Variants in WWTR1 observed in about 807,000 individuals in gnomAD.
WWTR1 encodes the protein WW domain-containing transcription regulator protein 1.
Under a neutral mutation model 40.1 loss-of-function variants are expected in WWTR1, and 13 were observed. The ratio of observed to expected loss-of-function variants is 0.32; its 90% confidence interval spans 0.21 to 0.52. The LOEUF (loss-of-function observed/expected upper bound fraction) is 0.52, where lower values mean the gene tolerates loss of function less well. Ranked by LOEUF, WWTR1 falls within the 20% of genes least tolerant of loss-of-function variation. WWTR1 has a pLI of 0.97. For synonymous variants in WWTR1, 230 were observed against 210.1 expected (o/e 1.09, Z -0.82); for missense variants, 436 against 523.1 (o/e 0.83, Z 1.63).
chr3:149,666,006 G>A (rs1472212700), intron 2 of WWTR1, among the ~76,000 whole-genome samples: 2 of 152,146 alleles, frequency 1.3e-5, no homozygotes, highest in Non-Finnish European at 2.9e-5. Context: ...TATCCATTGT[G>A]TTCAAGGGCA....
intron 3 of WWTR1, among the ~76,000 whole-genome samples, chr3:149,563,519 A>G (rs776770966): frequency 6.6e-6 from 1 of 152,184 alleles, no homozygotes; most frequent in Non-Finnish European, 1.5e-5. Context: ...CCGCTTCAGC[A>G]TTCACTTACC....
chr3:149,652,407 A>T (rs1026647785), intron 2 of WWTR1, among the ~76,000 whole-genome samples: 2 of 151,624 alleles, frequency 1.3e-5, no homozygotes, highest in Non-Finnish European at 2.9e-5. Context: ...GGATTGCTTG[A>T]GGCCAGGAGT....
In WWTR1 at chr3:149,633,748, G is replaced by T. The variant is rs559314021; in HGVS notation, c.431+23128C>A. 3.9e-5 allele frequency among the ~76,000 whole-genome samples: 6 copies of T among 152,244 alleles called. No individual in the cohort carries two copies. The South Asian group carries it at 1.2e-3, about 32-fold the overall frequency. On this transcript the variant is annotated intron_variant, in intron 2 of 6. Transcript: ENST00000360632. ...CCATGGCAGAATGAACTGATGGAGG[G>T]TCAGGGAAGAGGTGAGTGAGGGTGC...
At chr3:149,666,585 A>G (rs1000365423) in intron 2 of WWTR1, among the ~76,000 whole-genome samples, 3 of 152,204 alleles carry the variant, frequency 2.0e-5, no homozygotes, top group African/African-American at 7.2e-5. Flanking sequence ...TCATATTTAT[A>G]TAATATTTTA....
At chr3:149,550,208 A>C (rs1003981261) in intron 3 of WWTR1, among the ~76,000 whole-genome samples, 24 of 152,248 alleles carry the variant, frequency 1.6e-4, no homozygotes, top group African/African-American at 5.8e-4. Context: ...ACAAATGGAC[A>C]CAATCTTTAA....
chr3:149,676,763 G>C (rs936389748), intron 1 of WWTR1, among the ~76,000 whole-genome samples: 1 of 152,036 alleles, frequency 6.6e-6, no homozygotes, highest in Non-Finnish European at 1.5e-5. Flanking sequence ...AGACAATAAA[G>C]GGAGAGCAGG....
At chr3:149,687,807 C>T (rs1241366100) in intron 1 of WWTR1, among the ~76,000 whole-genome samples, 1 of 151,990 alleles carries the variant, frequency 6.6e-6, no homozygotes, top group Admixed American at 6.6e-5. Flanking sequence ...CCCTAAGGTC[C>T]CCAATTCCAG....
intron 4 of WWTR1, among the ~76,000 whole-genome samples, chr3:149,717,934 A>C (rs939376268): frequency 1.3e-4 from 20 of 152,138 alleles, no homozygotes; most frequent in African/African-American, 4.8e-4. Context: ...CATTAATAAA[A>C]CAGGTATTAT....
intron 5 of WWTR1, among the ~76,000 whole-genome samples, chr3:149,716,682 T>A (rs1264178323): frequency 1.3e-5 from 2 of 152,186 alleles, no homozygotes; most frequent in Non-Finnish European, 2.9e-5. Context: ...AAAAGTCATA[T>A]TTTATTTTTT....
At chr3:149,630,390 A>C (rs1388674859) in intron 2 of WWTR1, among the ~76,000 whole-genome samples, 1 of 152,218 alleles carries the variant, frequency 6.6e-6, no homozygotes, top group Non-Finnish European at 1.5e-5. Flanking sequence ...GGATAAAAGA[A>C]GAACAGCAAC....
At chr3:149,625,354 G>A (rs1282318996) in intron 2 of WWTR1, among the ~76,000 whole-genome samples, 1 of 151,642 alleles carries the variant, frequency 6.6e-6, no homozygotes, top group Admixed American at 6.6e-5. Context: ...TCCTGACCTC[G>A]TGATCCACCC....
intron 1 of WWTR1, among the ~76,000 whole-genome samples, chr3:149,688,231 G>T (rs1714714286): frequency 6.6e-6 from 1 of 152,062 alleles, no homozygotes; most frequent in Non-Finnish European, 1.5e-5. Flanking sequence ...AAAGACGCAA[G>T]CCTGGCAGGA....
intron 1 of WWTR1, among the ~76,000 whole-genome samples, chr3:149,693,798 AT>A (rs140007603): frequency 0.014 from 2,105 of 152,350 alleles, 32 homozygotes; most frequent in East Asian, 0.063. Flanking sequence ...CATCTGTGGA[AT>A]AATAAAACTA....
intron 1 of WWTR1, among the ~76,000 whole-genome samples, chr3:149,687,802 A>G (rs1714701232): frequency 6.6e-6 from 1 of 152,088 alleles, no homozygotes; most frequent in Non-Finnish European, 1.5e-5. Context: ...CAGACCCCTA[A>G]GGTCCCCAAT....
chr3:149,626,044 C>T (rs1740530231), intron 2 of WWTR1, among the ~76,000 whole-genome samples: 1 of 152,156 alleles, frequency 6.6e-6, no homozygotes, highest in Admixed American at 6.5e-5. Flanking sequence ...TGTGCTACAA[C>T]CACATAGCAA....
At chr3:149,655,288 T>G (rs1713139966) in intron 2 of WWTR1, among the ~76,000 whole-genome samples, 1 of 147,604 alleles carries the variant, frequency 6.8e-6, no homozygotes, top group Non-Finnish European at 1.5e-5. Flanking sequence ...CTACTAAAAA[T>G]ACAAAAATTA....
At chr3:149,657,403 AAT>A (rs1713315033) in intron 1 of WWTR1, 94 bp from the exon 2 acceptor site, 29 of 1,375,690 alleles carry the variant, frequency 2.1e-5, no homozygotes, top group Non-Finnish European at 2.8e-5. Context: ...TGGGAGAAAG[AAT>A]AGAGGGAAAA....
chr3:149,720,887 A>G (rs2108238068), intron 4 of WWTR1, among the ~76,000 whole-genome samples: 1 of 152,268 alleles, frequency 6.6e-6, no homozygotes, highest in Middle Eastern at 3.4e-3. Flanking sequence ...GCTATTATAA[A>G]TGGAATTGTT....
At chr3:149,548,982 G>A (rs576578946) in intron 3 of WWTR1, among the ~76,000 whole-genome samples, 1 of 152,064 alleles carries the variant, frequency 6.6e-6, no homozygotes, top group African/African-American at 2.4e-5. Flanking sequence ...GTTTTCACAG[G>A]CTGTAGACTG....
Sources: gnomAD v4.1 joint callset for allele counts (sites outside exome capture counted in the v4.1 genomes callset) on GRCh38, gnomAD v4.1.1 for gene constraint, MANE v1.5 for transcripts, NCBI Gene and HGNC (gene_info 2026-07-23, HGNC 2026-07-21) for gene names.